The following FHAD1 variants were observed in gnomAD, a reference collection of about 807,000 sequenced individuals.
FHAD1 encodes the protein forkhead associated phosphopeptide binding domain 1.
A neutral mutation model predicts 191.3 loss-of-function variants in FHAD1; 146 were observed. The observed-to-expected ratio is 0.76, with a 90% CI of 0.67 to 0.88. The LOEUF (loss-of-function observed/expected upper bound fraction) is 0.88, where lower values mean the gene tolerates loss of function less well. Ranked by LOEUF, FHAD1 falls within the 40% of genes least tolerant of loss-of-function variation. The pLI, the probability that FHAD1 is intolerant of heterozygous loss-of-function variation, is 0.00. For synonymous variants in FHAD1, 616 were observed against 672.3 expected (o/e 0.92, Z 1.29); for missense variants, 1,635 against 1,785.8 (o/e 0.92, Z 1.52).
chr1:15,370,509 G>T (rs1558254518), intron 26 of FHAD1, among the ~76,000 whole-genome samples: 1 of 152,146 alleles, frequency 6.6e-6, no homozygotes, highest in Non-Finnish European at 1.5e-5. Flanking sequence ...CAATGCTGTC[G>T]TTAATGTACT....
intron 2 of FHAD1, among the ~76,000 whole-genome samples, chr1:15,253,832 GT>G (rs1278186221): frequency 6.6e-6 from 1 of 152,148 alleles, no homozygotes; most frequent in Non-Finnish European, 1.5e-5. Context: ...CCAGTAGTCT[GT>G]TGCAGAAGAG....
chr1:15,260,299 G>A (rs531967720), intron 2 of FHAD1, among the ~76,000 whole-genome samples: 129 of 152,326 alleles, frequency 8.5e-4, no homozygotes, highest in African/African-American at 2.9e-3. Flanking sequence ...GGGGAACTGT[G>A]TTACGAGACT....
chr1:15,271,678 A>G (rs1247727806), intron 2 of FHAD1, among the ~76,000 whole-genome samples: 1 of 152,222 alleles, frequency 6.6e-6, no homozygotes, highest in African/African-American at 2.4e-5. Context: ...AAAACTATGT[A>G]TGTAGGGTGT....
rs138764340 is a variant in FHAD1, at chr1:15,241,165, T to C, written c.-15+4404T>C. On this transcript the variant is annotated intron_variant, in intron 1 of 33. Coordinates refer to the FHAD1 transcript ENST00000683790. ...GGGTTGTTTTGAGCTGCTAAGTTTG[T>C]GGTAGTTTGTTAAGCAGCAATTGAT... 1.5e-3 allele frequency among the ~76,000 whole-genome samples: 224 copies of C among 152,132 alleles called. 2 individuals carry two copies. Among genetic ancestry groups the C allele is most frequent in the African/African-American group, 4.9e-3 (205 of 41,486 alleles).
intron 14 of FHAD1, among the ~76,000 whole-genome samples, chr1:15,331,439 G>C (rs1445957404): frequency 1.3e-5 from 2 of 150,522 alleles, no homozygotes; most frequent in African/African-American, 2.4e-5. Flanking sequence ...TGGACGGACG[G>C]GTGGAAGAAA....
chr1:15,341,700 C>T (rs1416118774), intron 15 of FHAD1, 36 bp from the exon 16 acceptor site: 5 of 1,525,264 alleles, frequency 3.3e-6, no homozygotes, highest in Non-Finnish European at 3.5e-6. Flanking sequence ...TAGGCCTGTC[C>T]CCCATCAGCA....
At chr1:15,389,354 G>A (rs111315558) in intron 32 of FHAD1, among the ~76,000 whole-genome samples, 1 of 148,232 alleles carries the variant, frequency 6.7e-6, no homozygotes, top group African/African-American at 2.5e-5. Context: ...GCTGAGGTGG[G>A]ACAATCTCTT....
At chr1:15,307,889 C>G (rs1671010899) in intron 6 of FHAD1, among the ~76,000 whole-genome samples, 2 of 152,140 alleles carry the variant, frequency 1.3e-5, no homozygotes, top group Non-Finnish European at 2.9e-5. Flanking sequence ...CGCCACCACA[C>G]CCAGCTAATT....
At position 15,352,903 on chromosome 1, in the gene FHAD1, G is replaced by C; in HGVS notation, c.2481G>C (p.Glu827Asp). The C allele has an allele frequency of 6.4e-7, 1 of 1,551,394 alleles. No individual in the cohort carries two copies. The highest frequency in any genetic ancestry group is 8.7e-7 in the Non-Finnish European group (1 of 1,146,918). Residue 827 changes from glutamate (E) to aspartate (D), a missense_variant, in exon 20 of 34, where the codon GAG becomes GAC. Physicochemically the swap from Glu to Asp is conservative, Grantham distance 45. Transcript: ENST00000688493. ...TCTCAGAGAGCAACATTGCGTACGA[G>C]AAACGCAAAGCAAAGGAGGCCATGG... ...KEISESNIAY[E>D]KRKAKEAMEK...
In FHAD1 at chr1:15,318,444, G is replaced by A. The variant is rs1404411884; in HGVS notation, c.1365+516G>A. On this transcript the variant is annotated intron_variant, in intron 10 of 33. Coordinates refer to ENST00000688493, the MANE Select transcript of FHAD1 (RefSeq NM_001391957.1). The surrounding 1 kb of genome is among the most constrained non-coding windows in gnomAD (Gnocchi z 4.1). ...AGGTCAGGAGTTCGAGACCAGCCTG[G>A]CCAATGTGGTGAAACCCCGTCTCTA... is the stretch of plus-strand genomic sequence containing the variant. Among the ~76,000 whole-genome samples, 1 of 152,104 alleles carries A rather than the reference G, an allele frequency of 6.6e-6. No individual in the cohort carries two copies. The highest frequency in any genetic ancestry group is 2.4e-5 in the African/African-American group (1 of 41,414).
upstream of FHAD1, among the ~76,000 whole-genome samples, chr1:15,245,462 T>C (rs1284891170): frequency 6.6e-6 from 1 of 152,200 alleles, no homozygotes. Context: ...AGATGATATG[T>C]GAGTAAAAAG....
chr1:15,281,922 C>T (rs12725686), intron 3 of FHAD1, among the ~76,000 whole-genome samples: 16,703 of 152,066 alleles, frequency 0.11, 2,428 homozygotes, highest in African/African-American at 0.33. Flanking sequence ...GTATCTATAT[C>T]AGTACGGACT....
chr1:15,328,749 C>T (rs1194788107), intron 13 of FHAD1: 1 of 216,498 alleles, frequency 4.6e-6, no homozygotes, highest in Non-Finnish European at 9.0e-6. Context: ...AAGAAACATT[C>T]CTGCTTTTTA....
chr1:15,301,262 G>A lies in FHAD1; in HGVS notation c.736G>A (p.Glu246Lys). 1 of 1,551,784 alleles carries A rather than the reference G, an allele frequency of 6.4e-7. No individual in the cohort carries two copies. Among genetic ancestry groups the A allele is most frequent in the African/African-American group, 1.4e-5 (1 of 73,174 alleles). The change falls in exon 6 of 34, where the codon GAA becomes AAA. Residue 246 changes from glutamate (E) to lysine (K), a missense_variant. Transcript: ENST00000688493. Reference sequence around the variant, plus strand: ...CAGCCGTCTCTCAGATTATGAAATTGAATCCAAATACAAAGACGTCATAAT... The same window carrying A: ...CAGCCGTCTCTCAGATTATGAAATTAAATCCAAATACAAAGACGTCATAAT... ...EVSRLSDYEI[E>K]SKYKDVIIAN...
At chr1:15,275,112 A>G (rs10927759) in intron 3 of FHAD1, among the ~76,000 whole-genome samples, 22,212 of 151,896 alleles carry the variant, frequency 0.15, 1,841 homozygotes, top group Middle Eastern at 0.21. Flanking sequence ...ACAGGTGCCC[A>G]CCACCATGCC....
chr1:15,280,030 A>C (rs1413295525), intron 3 of FHAD1, among the ~76,000 whole-genome samples: 2 of 152,212 alleles, frequency 1.3e-5, no homozygotes, highest in Non-Finnish European at 2.9e-5. Context: ...CAGGTCTCCA[A>C]GGAAGTAGCG....
At chr1:15,331,791 T>C (rs1681726002) in intron 14 of FHAD1, among the ~76,000 whole-genome samples, 1 of 151,808 alleles carries the variant, frequency 6.6e-6, no homozygotes, top group South Asian at 2.1e-4. Context: ...TAGATATGAA[T>C]GGTATCAGTT....
chr1:15,372,537 C>G (rs988849311), intron 26 of FHAD1, among the ~76,000 whole-genome samples: 112 of 152,310 alleles, frequency 7.4e-4, no homozygotes, highest in African/African-American at 2.6e-3. Flanking sequence ...AAGGGCTGGT[C>G]TGCCTGCTCC....
At position 15,397,826 on chromosome 1, in the gene FHAD1, G is replaced by A. The variant is rs1007164243; in HGVS notation, c.*413G>A. On this transcript the variant is annotated 3_prime_UTR_variant, in exon 34 of 34. Transcript: ENST00000688493. ...AACCTTGGAGCTCTCAGGGCCTTGGGATAGTGAATTCAAGTCTCCGTTATG... is the reference window on the plus strand; with the variant it reads ...AACCTTGGAGCTCTCAGGGCCTTGGAATAGTGAATTCAAGTCTCCGTTATG... 1 of 152,798 alleles carries A rather than the reference G, an allele frequency of 6.5e-6. No individual in the cohort carries two copies. The highest frequency in any genetic ancestry group is 6.5e-5 in the Admixed American group (1 of 15,278). The allele number at this position is 152,798 out of a possible 1,614,324, so 9.5% of individuals were successfully genotyped here.
Sources: gnomAD v4.1 joint callset for allele counts (sites outside exome capture counted in the v4.1 genomes callset) on GRCh38, gnomAD v4.1.1 for gene constraint, Gnocchi (gnomAD v3.1) non-coding constraint, MANE v1.5 for transcripts, NCBI Gene and HGNC (gene_info 2026-07-23, HGNC 2026-07-21) for gene names.